TMEM117: variants seen among roughly 807,000 people sequenced by gnomAD.
TMEM117 encodes transmembrane protein 117.
TMEM117 carries 27 observed loss-of-function variants against 52.4 expected under a neutral mutation model. That is an observed-to-expected ratio of 0.51 (90% CI 0.38 to 0.71). The LOEUF (loss-of-function observed/expected upper bound fraction) is 0.71, where lower values mean the gene tolerates loss of function less well. TMEM117 is among the 30% of genes least tolerant of loss of function. The pLI is 0.00. For synonymous variants in TMEM117, 215 were observed against 206.3 expected (o/e 1.04, Z -0.36); for missense variants, 556 against 630.5 (o/e 0.88, Z 1.26).
At chr12:44,080,396 A>C (rs1947462831) in intron 3 of TMEM117, among the ~76,000 whole-genome samples, 1 of 152,192 alleles carries the variant, frequency 6.6e-6, no homozygotes, top group Non-Finnish European at 1.5e-5. Context: ...TCATGAGAAC[A>C]GCATGAGGGT....
At chr12:44,097,381 C>G (rs1484941511) in intron 3 of TMEM117, among the ~76,000 whole-genome samples, 5 of 150,696 alleles carry the variant, frequency 3.3e-5, no homozygotes, top group Admixed American at 6.6e-5. Flanking sequence ...ACCCAAAGGA[C>G]TATAAATCAT....
At chr12:44,361,174 TTAAAAC>T (rs1459050378) in intron 6 of TMEM117, among the ~76,000 whole-genome samples, 2 of 152,128 alleles carry the variant, frequency 1.3e-5, no homozygotes, top group African/African-American at 4.8e-5. Flanking sequence ...TGGTCTCTGT[TTAAAAC>T]TAAAAACTCC....
At chr12:44,306,067 A>C (rs1950899404) in intron 6 of TMEM117, among the ~76,000 whole-genome samples, 2 of 152,198 alleles carry the variant, frequency 1.3e-5, no homozygotes, top group African/African-American at 4.8e-5. Context: ...AATGAGAGCT[A>C]AACATTGAGT....
At chr12:43,797,076 C>G in the TMEM117 span, 2 of 1,599,556 alleles carry the variant, frequency 1.3e-6, no homozygotes, top group East Asian at 4.5e-5. Flanking sequence ...GCATGTGTAT[C>G]CAGGCATTGA....
rs1952124999 is a variant in TMEM117 at position 44,388,485 on chromosome 12, C to T, written c.1358C>T (p.Thr453Ile). Residue 453 changes from threonine to isoleucine, a missense_variant, in exon 8 of 8, where the codon ACC becomes ATC. Transcript: ENST00000266534. The stretch of plus-strand genomic sequence containing the variant: ...GACATGGGAATCACTCGAGAAAACA[C>T]CCAGGCTTCAGTAGAAGACCCCTTG... ...SKDMGITREN[T>I]QASVEDPLND... The T allele has an allele frequency of 1.2e-6, 2 of 1,613,490 alleles. No individual in the cohort carries two copies. Among genetic ancestry groups the T allele is most frequent in the African/African-American group, 2.7e-5 (2 of 75,008 alleles).
chr12:44,361,813 TA>T (rs1951725417), intron 6 of TMEM117, among the ~76,000 whole-genome samples: 2 of 152,252 alleles, frequency 1.3e-5, no homozygotes, highest in South Asian at 4.1e-4. Flanking sequence ...GCCATTGTGA[TA>T]GGGGAGTGAT....
intron 2 of TMEM117, among the ~76,000 whole-genome samples, chr12:43,881,956 C>T (rs1001602156): frequency 1.3e-5 from 2 of 151,822 alleles, no homozygotes; most frequent in African/African-American, 4.8e-5. Flanking sequence ...CCTGTAGTCC[C>T]AGCTACTCAG....
chr12:44,215,725 T>A (rs1204040125), intron 5 of TMEM117, among the ~76,000 whole-genome samples: 1 of 150,128 alleles, frequency 6.7e-6, no homozygotes, highest in East Asian at 2.0e-4. Context: ...GCCTTAGCTT[T>A]TTTTAAAAAA....
chr12:44,334,820 T>C (rs1951319391), intron 6 of TMEM117, among the ~76,000 whole-genome samples: 1 of 152,022 alleles, frequency 6.6e-6, no homozygotes, highest in South Asian at 2.1e-4. Flanking sequence ...AGTATCTGAT[T>C]CATGATCTAA....
At chr12:44,133,383 T>C (rs1948443628) in intron 3 of TMEM117, among the ~76,000 whole-genome samples, 1 of 152,184 alleles carries the variant, frequency 6.6e-6, no homozygotes, top group Non-Finnish European at 1.5e-5. Flanking sequence ...CAGTACTGGT[T>C]CCAACAGCGC....
chr12:44,262,231 A>C lies in TMEM117; in HGVS notation c.609-37349A>C, dbSNP rs149936698. Among the ~76,000 whole-genome samples the C allele has an allele frequency of 2.3e-3, 351 of 152,300 alleles. 11 individuals are homozygous for C. In the East Asian group the frequency reaches 0.034, roughly 15 times the overall value. Reference sequence around the variant, plus strand: ...ATTTTTCCATTTGTACACACACACTATGCGGTGTGTATGTACATGTGTGAA... The same window carrying C: ...ATTTTTCCATTTGTACACACACACTCTGCGGTGTGTATGTACATGTGTGAA... On this transcript the variant is annotated intron_variant, in intron 5 of 7. Transcript: ENST00000266534.
intron 3 of TMEM117, among the ~76,000 whole-genome samples, chr12:43,969,024 G>T (rs1032437530): frequency 1.3e-5 from 2 of 151,934 alleles, no homozygotes; most frequent in African/African-American, 2.4e-5. Context: ...AATATAAAAA[G>T]ATATAATAAA....
intron 4 of TMEM117, among the ~76,000 whole-genome samples, chr12:44,183,023 A>G (rs1179226039): frequency 1.3e-5 from 2 of 152,092 alleles, no homozygotes; most frequent in East Asian, 1.9e-4. Context: ...ATAAGCAGCA[A>G]TTGTTTTGTT....
chr12:43,947,164 T>C (rs997897293), intron 3 of TMEM117, among the ~76,000 whole-genome samples: 2 of 152,036 alleles, frequency 1.3e-5, no homozygotes, highest in African/African-American at 4.8e-5. Context: ...TGAGACTTTG[T>C]CTCTTACAAA....
chr12:44,295,081 C>T (rs139429546), intron 5 of TMEM117, among the ~76,000 whole-genome samples: 14 of 152,202 alleles, frequency 9.2e-5, no homozygotes, highest in African/African-American at 2.4e-4. Flanking sequence ...AGTTTTCAGA[C>T]GTTATTTCTT....
intron 6 of TMEM117, among the ~76,000 whole-genome samples, chr12:44,360,010 G>A (rs1386198709): frequency 6.6e-6 from 1 of 152,028 alleles, no homozygotes; most frequent in African/African-American, 2.4e-5. Context: ...ACATAAATTT[G>A]TACCTGTTTT....
intron 2 of TMEM117, among the ~76,000 whole-genome samples, chr12:43,941,413 T>C (rs549184617): frequency 6.6e-6 from 1 of 152,328 alleles, no homozygotes; most frequent in African/African-American, 2.4e-5. Context: ...TTAATAATTA[T>C]GCCAGGACAA....
chr12:43,864,995 A>G (rs1250339303), intron 2 of TMEM117, among the ~76,000 whole-genome samples: 2 of 151,756 alleles, frequency 1.3e-5, no homozygotes, highest in African/African-American at 4.8e-5. Context: ...GAGCTGTAAC[A>G]CTCACCGTGA....
At chr12:44,034,153 T>C (rs1473984500) in intron 3 of TMEM117, among the ~76,000 whole-genome samples, 1 of 152,178 alleles carries the variant, frequency 6.6e-6, no homozygotes, top group East Asian at 1.9e-4. Flanking sequence ...AGGCAACAGG[T>C]TAAAATTCCT....
Sources: gnomAD v4.1 joint callset for allele counts (sites outside exome capture counted in the v4.1 genomes callset) on GRCh38, gnomAD v4.1.1 for gene constraint, MANE v1.5 for transcripts, NCBI Gene and HGNC (gene_info 2026-07-23, HGNC 2026-07-21) for gene names.